RABEP2: variants seen among roughly 807,000 people sequenced by gnomAD.
RABEP2 encodes rabaptin, RAB GTPase binding effector protein 2.
Under a neutral mutation model 74.1 loss-of-function variants are expected in RABEP2, and 57 were observed. The observed-to-expected ratio is 0.77, with a 90% CI of 0.62 to 0.96. RABEP2 has a LOEUF of 0.96. RABEP2 is among the 40% of genes least tolerant of loss of function. The pLI is 0.00. For synonymous variants in RABEP2, 351 were observed against 344.0 expected (o/e 1.02, Z -0.23); for missense variants, 692 against 756.3 (o/e 0.91, Z 1.00).
chr16:28,904,653 C>T lies in RABEP2; in HGVS notation c.*290G>A, dbSNP rs1314026605. 1.3e-6 allele frequency: 1 copy of T among 791,156 alleles called. No individual in the cohort carries two copies. The highest frequency in any genetic ancestry group is 1.9e-6 in the Non-Finnish European group (1 of 536,076). 49.0% of individuals were successfully genotyped at this position (791,156 alleles called of 1,614,324 possible). On this transcript the variant is annotated 3_prime_UTR_variant, in exon 13 of 13. Transcript: ENST00000358201. The stretch of plus-strand genomic sequence containing the variant: ...GGGACGGGCTGGGGGCAGGGGAGGG[C>T]TGGAGCCCAGGAGGCAGCACAGCAG...
At position 28,911,155 on chromosome 16, in the gene RABEP2, C is replaced by T. The variant is rs1964307788; in HGVS notation, c.919G>A (p.Glu307Lys). 6.2e-7 allele frequency: 1 copy of T among 1,611,816 alleles called. No homozygotes were observed. The highest frequency in any genetic ancestry group is 8.5e-7 in the Non-Finnish European group (1 of 1,180,014). Residue 307 changes from glutamate to lysine, a missense_variant, in exon 6 of 13, where the codon GAG becomes AAG. Coordinates refer to ENST00000358201, the MANE Select transcript of RABEP2 (RefSeq NM_024816.3). Reference sequence around the variant, plus strand: ...TCGTCCCGCTCGCGACTGACGCTCTCCAGGTCCTTCTGCAGCTGTCGGCCC... The same window carrying T: ...TCGTCCCGCTCGCGACTGACGCTCTTCAGGTCCTTCTGCAGCTGTCGGCCC... The part of the protein sequence containing the change: ...TEGRQLQKDL[E>K]SVSRERDELQ...
rs185445116 is a variant in RABEP2 at position 28,914,323 on chromosome 16, C to T, written c.807G>A (p.Thr269=). ...EQEETASLVS[T]GTLVPEGIYL... is the part of the protein sequence containing the mutation. ...AGATGCCCTCGGGAACCAGGGTGCC[C>T]GTAGACACCAGCGAGGCCGTCTCTT... The change falls in exon 5 of 13, where the codon ACG becomes ACA. Residue 269 remains threonine, a synonymous_variant. Coordinates refer to ENST00000358201, the MANE Select transcript of RABEP2 (RefSeq NM_024816.3). 267 of 1,613,250 alleles carry T rather than the reference C, an allele frequency of 1.7e-4. No homozygotes were observed. In the African/African-American group the frequency reaches 3.1e-3, roughly 19 times the overall value.
chr16:28,918,232 A>G (rs1964422439), intron 3 of RABEP2, among the ~76,000 whole-genome samples: 1 of 151,500 alleles, frequency 6.6e-6, no homozygotes, highest in Non-Finnish European at 1.5e-5. Context: ...GGCGCCCGCC[A>G]CCGCGCCTGG....
intron 5 of RABEP2, 74 bp from the exon 6 acceptor site, chr16:28,911,253 C>G: frequency 1.4e-6 from 2 of 1,411,194 alleles, no homozygotes; most frequent in Non-Finnish European, 1.9e-6. Context: ...CGTGGCCCAC[C>G]TCTGCAGGGA....
rs776153538 is a variant in RABEP2, at chr16:28,906,208, G to A, written c.1246-12C>T. 2.0e-5 allele frequency: 32 copies of A among 1,568,118 alleles called. No homozygotes were observed. Among genetic ancestry groups the A allele is most frequent in the East Asian group, 1.8e-4 (8 of 43,968 alleles). ...AGCTGCTGCAGCTCCTGGAAGGGAC[G>A]GAGGAGTCACCTGCTGGGCTGGGGC... On this transcript the variant is annotated splice_polypyrimidine_tract_variant and intron_variant, in intron 8 of 12. Coordinates refer to ENST00000358201, the MANE Select transcript of RABEP2 (RefSeq NM_024816.3).
chr16:28,907,895 G>A (rs1232916221), intron 8 of RABEP2, among the ~76,000 whole-genome samples: 1 of 152,182 alleles, frequency 6.6e-6, no homozygotes, highest in Non-Finnish European at 1.5e-5. Flanking sequence ...CGCCTCCTGG[G>A]TTCAATCGAT....
At chr16:28,916,082 T>C (rs985614066) in intron 3 of RABEP2, 2 of 148,270 alleles carry the variant, frequency 1.3e-5, no homozygotes. Flanking sequence ...ACCACCCATC[T>C]AGGCCTCAAA....
intron 5 of RABEP2, among the ~76,000 whole-genome samples, chr16:28,912,680 TGA>T (rs1349508932): frequency 5.3e-5 from 8 of 152,150 alleles, no homozygotes; most frequent in Admixed American, 5.2e-4. Context: ...CCCAAAGTGC[TGA>T]GATTACACGC....
At chr16:28,912,692 C>T (rs914449092) in intron 5 of RABEP2, among the ~76,000 whole-genome samples, 3 of 152,136 alleles carry the variant, frequency 2.0e-5, no homozygotes, top group Non-Finnish European at 2.9e-5. Context: ...AGATTACACG[C>T]GTGAGCCACT....
intron 5 of RABEP2, 36 bp downstream of exon 5, chr16:28,914,200 G>A (rs759235694): frequency 2.4e-5 from 36 of 1,511,714 alleles, no homozygotes; most frequent in Non-Finnish European, 3.2e-5. Context: ...CAGAGAGGGG[G>A]ATGGTACACC....
chr16:28,918,710 G>C (rs907645752), intron 3 of RABEP2, among the ~76,000 whole-genome samples: 1 of 151,942 alleles, frequency 6.6e-6, no homozygotes, highest in Non-Finnish European at 1.5e-5. Flanking sequence ...CTGGAGTGCA[G>C]TGATGTGATC....
At chr16:28,924,364 T>G (rs368726218) in intron 2 of RABEP2, 39 bp downstream of exon 2, 1 of 1,553,280 alleles carries the variant, frequency 6.4e-7, no homozygotes, top group South Asian at 1.1e-5. Flanking sequence ...CTCCCCAGTA[T>G]GGGGTTGATG....
intron 8 of RABEP2, 124 bp downstream of exon 8, chr16:28,908,485 A>C: frequency 4.0e-6 from 4 of 1,005,508 alleles, no homozygotes; most frequent in Non-Finnish European, 5.6e-6. Context: ...GCCTTAGAGA[A>C]GGCAAATGAG....
intron 1 of RABEP2, 83 bp from the exon 2 acceptor site, chr16:28,924,698 T>A: frequency 7.8e-7 from 1 of 1,281,360 alleles, no homozygotes; most frequent in Non-Finnish European, 1.1e-6. Context: ...AACCTAGTAC[T>A]GTTGCCTTCA....
chr16:28,920,363 G>GTTATTATTATTA lies in RABEP2; in HGVS notation c.275-432_275-421dup, dbSNP rs147158210. 8.5e-5 allele frequency among the ~76,000 whole-genome samples: 12 copies of GTTATTATTATTA among 141,616 alleles called. No homozygotes were observed. The East Asian group carries it at 1.2e-3, about 15-fold the overall frequency. 92.9% of individuals were successfully genotyped at this position (141,616 alleles called of 152,430 possible). A position where few individuals can be genotyped will look rare whatever the true frequency, so the allele number is the denominator to read the frequency against. On this transcript the variant is annotated intron_variant, in intron 2 of 12. Transcript: ENST00000358201. ...TTAAGAACGGTAAGAATTTTTTTTGGTTATTATTATTATTATTATTATTAT... is the reference window on the plus strand; with the variant it reads ...TTAAGAACGGTAAGAATTTTTTTTGGTTATTATTATTATTATTATTATTATTATTATTATTAT...
chr16:28,917,819 C>T (rs977206415), intron 3 of RABEP2: 2 of 152,222 alleles, frequency 1.3e-5, no homozygotes, highest in Non-Finnish European at 2.9e-5. Flanking sequence ...TCCGGATGCA[C>T]GGGACAGCCC....
intron 2 of RABEP2, among the ~76,000 whole-genome samples, chr16:28,923,082 A>G (rs562674805): frequency 5.9e-5 from 9 of 152,212 alleles, no homozygotes; most frequent in Admixed American, 1.3e-4. Flanking sequence ...TAAAGCATTT[A>G]GCTCAGTGCC....
intron 2 of RABEP2, chr16:28,921,035 TG>T (rs1258681382): frequency 7.3e-5 from 27 of 368,790 alleles, no homozygotes; most frequent in African/African-American, 5.7e-4. Flanking sequence ...GGCTAATTTT[TG>T]TATTTTTTGT....
intron 5 of RABEP2, among the ~76,000 whole-genome samples, chr16:28,913,480 T>C (rs534623905): frequency 2.0e-5 from 3 of 152,246 alleles, no homozygotes; most frequent in Admixed American, 2.0e-4. Context: ...TTGTATCACA[T>C]TATTGTTATT....
Sources: allele counts gnomAD v4.1 joint callset (sites outside exome capture counted in the v4.1 genomes callset), GRCh38; gene constraint gnomAD v4.1.1; transcripts MANE v1.5; gene names NCBI Gene and HGNC (gene_info 2026-07-23, HGNC 2026-07-21).